The following ADAMTSL1 variants were observed in gnomAD, a reference collection of about 807,000 sequenced individuals.
The protein encoded by ADAMTSL1 is ADAMTS like 1, also known as ADAMTS-like protein 1.
Under a neutral mutation model 201.8 loss-of-function variants are expected in ADAMTSL1, and 126 were observed. The ratio of observed to expected loss-of-function variants is 0.62; its 90% CI spans 0.54 to 0.72. ADAMTSL1 has a LOEUF of 0.72. Ranked by LOEUF, ADAMTSL1 falls within the 30% of genes least tolerant of loss-of-function variation. The probability of loss-of-function intolerance (pLI) is 0.00; values close to 1 mark genes in which losing one functional copy is unlikely to be tolerated. For missense variants in ADAMTSL1, 2,679 were observed against 2,277.8 expected, an observed-to-expected ratio of 1.18 and a Z score of -3.59; for synonymous variants, 1,121 against 903.4, an observed-to-expected ratio of 1.24 and a Z score of -4.32.
chr9:18,226,366 C>T (rs1587351834), intron 2 of ADAMTSL1, among the ~76,000 whole-genome samples: 1 of 152,134 alleles, frequency 6.6e-6, no homozygotes, highest in East Asian at 1.9e-4. Context: ...ATGACAATTA[C>T]TTTCTGACCT....
intron 1 of ADAMTSL1, among the ~76,000 whole-genome samples, chr9:17,961,312 A>T (rs1240614735): frequency 6.6e-6 from 1 of 152,010 alleles, no homozygotes; most frequent in African/African-American, 2.4e-5. Flanking sequence ...GTAATGACGC[A>T]ATCTTGGCTA....
rs548773549 is a variant in ADAMTSL1 at position 18,288,579 on chromosome 9, A to T, written c.207+124598A>T. Reference sequence around the variant, plus strand: ...GTTCCCTTCATTCAAACTACTTCACAGAGGCAGAAGCCAGGAAGGCAAGAA... The same window carrying T: ...GTTCCCTTCATTCAAACTACTTCACTGAGGCAGAAGCCAGGAAGGCAAGAA... On this transcript the variant is annotated intron_variant, in intron 2 of 29. Coordinates refer to the ADAMTSL1 transcript ENST00000680146. 3.3e-5 allele frequency among the ~76,000 whole-genome samples: 5 copies of T among 152,332 alleles called. No individual in the cohort carries two copies. In the South Asian group the frequency reaches 8.3e-4, roughly 25 times the overall value.
chr9:18,341,965 C>T (rs78724431), intron 2 of ADAMTSL1, among the ~76,000 whole-genome samples: 3,088 of 152,194 alleles, frequency 0.02, 100 homozygotes, highest in African/African-American at 0.069. Context: ...GTTTGGTTAA[C>T]ATTTATTGGG....
At chr9:17,974,977 C>T (rs565444948) in intron 1 of ADAMTSL1, among the ~76,000 whole-genome samples, 1 of 152,118 alleles carries the variant, frequency 6.6e-6, no homozygotes, top group East Asian at 1.9e-4. Flanking sequence ...ATTTACATTC[C>T]TACAAACACT....
At chr9:18,668,559 C>T (rs917578131) in intron 9 of ADAMTSL1, among the ~76,000 whole-genome samples, 3 of 152,072 alleles carry the variant, frequency 2.0e-5, no homozygotes, top group South Asian at 2.1e-4. Flanking sequence ...TTTTAACTTC[C>T]GTCTGTCAGT....
chr9:17,924,833 C>G (rs1413904499), intron 1 of ADAMTSL1, among the ~76,000 whole-genome samples: 4 of 56,472 alleles, frequency 7.1e-5, no homozygotes, highest in African/African-American at 1.1e-4. Context: ...GCAATGGCAA[C>G]AAAAGACAAA....
At chr9:18,880,842 A>AGAG (rs1828482167) in intron 23 of ADAMTSL1, among the ~76,000 whole-genome samples, 1 of 152,228 alleles carries the variant, frequency 6.6e-6, no homozygotes, top group Admixed American at 6.5e-5. Context: ...TTCCAATAGA[A>AGAG]GAGTGTTTCA....
intron 1 of ADAMTSL1, among the ~76,000 whole-genome samples, chr9:17,956,125 A>C (rs1827919890): frequency 6.6e-6 from 1 of 152,200 alleles, no homozygotes. Context: ...AATATTATGC[A>C]ATCAAATACT....
intron 1 of ADAMTSL1, among the ~76,000 whole-genome samples, chr9:18,497,422 A>G (rs1822586759): frequency 1.3e-5 from 2 of 152,206 alleles, no homozygotes; most frequent in Non-Finnish European, 2.9e-5. Flanking sequence ...TATTATAGTT[A>G]TTTTAAAGAA....
intron 1 of ADAMTSL1, among the ~76,000 whole-genome samples, chr9:18,013,506 T>C (rs529784930): frequency 6.6e-6 from 1 of 151,394 alleles, no homozygotes; most frequent in East Asian, 2.0e-4. Flanking sequence ...AGTGAAGGAG[T>C]TTTCTAATGG....
intron 25 of ADAMTSL1, among the ~76,000 whole-genome samples, chr9:18,891,798 T>A (rs1335755879): frequency 6.6e-6 from 1 of 152,240 alleles, no homozygotes; most frequent in South Asian, 2.1e-4. Context: ...GTGACACGAA[T>A]TTGGATCTGA....
intron 1 of ADAMTSL1, among the ~76,000 whole-genome samples, chr9:17,967,192 C>T (rs916717118): frequency 3.3e-5 from 5 of 152,084 alleles, no homozygotes; most frequent in South Asian, 2.1e-4. Flanking sequence ...AATACCCGTA[C>T]ACATTCATTC....
At chr9:18,611,443 C>G (rs1430056352) in intron 4 of ADAMTSL1, among the ~76,000 whole-genome samples, 1 of 152,074 alleles carries the variant, frequency 6.6e-6, no homozygotes. Flanking sequence ...CAGGATAGTT[C>G]TTAGGATTTT....
intron 2 of ADAMTSL1, among the ~76,000 whole-genome samples, chr9:18,274,722 T>C (rs1425332100): frequency 1.3e-5 from 2 of 152,114 alleles, no homozygotes; most frequent in African/African-American, 4.8e-5. Flanking sequence ...ATAAAAAAAC[T>C]AAAATGAGGC....
chr9:18,436,233 A>C (rs913094747), intron 2 of ADAMTSL1, among the ~76,000 whole-genome samples: 6 of 152,096 alleles, frequency 3.9e-5, no homozygotes, highest in African/African-American at 1.4e-4. Flanking sequence ...TGCTCGGGGA[A>C]GGATGTGGGG....
chr9:18,465,028 G>A (rs1484691224), intron 2 of ADAMTSL1, among the ~76,000 whole-genome samples: 1 of 152,154 alleles, frequency 6.6e-6, no homozygotes, highest in Non-Finnish European at 1.5e-5. Flanking sequence ...TATGTTCTGA[G>A]AATTCAATGT....
At chr9:17,989,143 T>A (rs1021622926) in intron 1 of ADAMTSL1, among the ~76,000 whole-genome samples, 1 of 151,996 alleles carries the variant, frequency 6.6e-6, no homozygotes, top group Non-Finnish European at 1.5e-5. Context: ...TTATGTTTAT[T>A]ACAGAAAAAT....
At chr9:18,595,800 G>A (rs1337337441) in intron 4 of ADAMTSL1, among the ~76,000 whole-genome samples, 2 of 152,234 alleles carry the variant, frequency 1.3e-5, no homozygotes, top group East Asian at 1.9e-4. Flanking sequence ...AAATGCGGCT[G>A]TAGCCAAGCC....
intron 1 of ADAMTSL1, among the ~76,000 whole-genome samples, chr9:17,961,437 G>T (rs146892127): frequency 6.6e-6 from 1 of 152,156 alleles, no homozygotes; most frequent in East Asian, 1.9e-4. Flanking sequence ...TTTTAGTAGA[G>T]ATGGGGTTTC....
Sources: gnomAD v4.1 joint callset for allele counts (sites outside exome capture counted in the v4.1 genomes callset) on GRCh38, gnomAD v4.1.1 for gene constraint, MANE v1.5 for transcripts, NCBI Gene and HGNC (gene_info 2026-07-23, HGNC 2026-07-21) for gene names.